STK32B: variants seen among roughly 807,000 people sequenced by gnomAD.
STK32B encodes serine/threonine kinase 32B.
A neutral mutation model predicts 52.6 loss-of-function variants in STK32B; 43 were observed. The observed-to-expected ratio is 0.82, with a 90% CI of 0.64 to 1.05. The LOEUF is 1.05. Among genes scored for constraint, STK32B ranks in the 50% least tolerant of loss-of-function variants. The pLI, the probability that STK32B is intolerant of heterozygous loss-of-function variation, is 0.00. For missense variants in STK32B, 621 were observed against 534.6 expected (o/e 1.16, Z -1.59); for synonymous variants, 238 against 204.3 (o/e 1.17, Z -1.41).
chr4:5,377,087 A>G (rs1375759395), intron 4 of STK32B, among the ~76,000 whole-genome samples: 1 of 152,094 alleles, frequency 6.6e-6, no homozygotes, highest in Non-Finnish European at 1.5e-5. Context: ...TCTGCACTTC[A>G]TCCTGAGGAC....
At chr4:5,314,034 T>C (rs899337401) in intron 3 of STK32B, among the ~76,000 whole-genome samples, 4 of 152,048 alleles carry the variant, frequency 2.6e-5, no homozygotes, top group African/African-American at 9.7e-5. Flanking sequence ...GCTATGAAAG[T>C]CCAAGAAAAG....
intron 6 of STK32B, among the ~76,000 whole-genome samples, chr4:5,442,527 C>T (rs1333173338): frequency 2.7e-5 from 4 of 149,942 alleles, no homozygotes; most frequent in African/African-American, 9.7e-5. Flanking sequence ...TTCCTGAATA[C>T]AGCACACTGA....
intron 7 of STK32B, among the ~76,000 whole-genome samples, chr4:5,448,162 C>T (rs1319453596): frequency 6.6e-6 from 1 of 152,208 alleles, no homozygotes; most frequent in African/African-American, 2.4e-5. Context: ...TGCTCTTGAT[C>T]TCAGTTATTT....
intron 3 of STK32B, among the ~76,000 whole-genome samples, chr4:5,328,478 G>T (rs1381416886): frequency 6.6e-6 from 1 of 152,116 alleles, no homozygotes; most frequent in African/African-American, 2.4e-5. Flanking sequence ...ATGCCTCAGG[G>T]AATAGAAAGG....
intron 4 of STK32B, among the ~76,000 whole-genome samples, chr4:5,388,866 A>T (rs561565422): frequency 3.3e-5 from 5 of 152,354 alleles, no homozygotes; most frequent in Admixed American, 6.5e-5. Context: ...TCTCCCTGAG[A>T]TATACTTGGG....
At chr4:5,122,409 CTCAT>C (rs1715098416) in intron 1 of STK32B, among the ~76,000 whole-genome samples, 1 of 152,002 alleles carries the variant, frequency 6.6e-6, no homozygotes, top group African/African-American at 2.4e-5. Context: ...CACTCACTCA[CTCAT>C]TCATTCACTC....
chr4:5,243,328 C>T (rs149476026), intron 3 of STK32B, among the ~76,000 whole-genome samples: 1 of 152,002 alleles, frequency 6.6e-6, no homozygotes, highest in African/African-American at 2.4e-5. Context: ...GTATTTTATT[C>T]TCTTTGAAGC....
rs562441840 is a variant in STK32B, at chr4:5,373,758, T to C, written c.435-24449T>C. Among the ~76,000 whole-genome samples, 258 of 152,348 alleles carry C rather than the reference T, an allele frequency of 1.7e-3. 1 individual carries two copies. The highest frequency in any genetic ancestry group is 5.1e-3 in the African/African-American group (212 of 41,578). ...CCAGATCTTGACTGATGCAGTCTTC[T>C]CTGCCATTCTCACTCCACACAGCAA... On this transcript the variant is annotated intron_variant, in intron 4 of 11. Coordinates refer to ENST00000282908, the MANE Select transcript of STK32B (RefSeq NM_018401.3).
At chr4:5,153,132 T>G (rs1717509785) in intron 2 of STK32B, among the ~76,000 whole-genome samples, 1 of 152,212 alleles carries the variant, frequency 6.6e-6, no homozygotes, top group African/African-American at 2.4e-5. Context: ...GAAACTGGCT[T>G]CTATCACAGG....
intron 5 of STK32B, among the ~76,000 whole-genome samples, chr4:5,406,300 T>A (rs1159481558): frequency 6.6e-6 from 1 of 152,202 alleles, no homozygotes; most frequent in Admixed American, 6.5e-5. Context: ...CTCGGCTGCC[T>A]TCACAGGTTG....
At chr4:5,050,799 C>T (rs1002188130), upstream of STK32B, among the ~76,000 whole-genome samples, 2 of 152,142 alleles carry the variant, frequency 1.3e-5, no homozygotes, top group Admixed American at 6.5e-5. Flanking sequence ...GCGTATCTCC[C>T]GATCCAGGCT....
intron 3 of STK32B, among the ~76,000 whole-genome samples, chr4:5,282,358 C>A (rs1007330468): frequency 6.6e-6 from 1 of 152,158 alleles, no homozygotes; most frequent in South Asian, 2.1e-4. Context: ...CCTTCCATAT[C>A]TATGGGTTCT....
At chr4:5,300,471 A>T (rs923754172) in intron 3 of STK32B, among the ~76,000 whole-genome samples, 2 of 152,200 alleles carry the variant, frequency 1.3e-5, no homozygotes, top group Admixed American at 1.3e-4. Flanking sequence ...GCATCCAAAT[A>T]GAAAAAGAGG....
At chr4:5,145,400 C>T (rs1716832217) in intron 2 of STK32B, among the ~76,000 whole-genome samples, 1 of 152,174 alleles carries the variant, frequency 6.6e-6, no homozygotes, top group Non-Finnish European at 1.5e-5. Context: ...ACATCTTAAA[C>T]TTACATTTAT....
Position 5,135,924 on chromosome 4 carries a change from G to A in STK32B, c.53-3981G>A, listed in dbSNP as rs190558708. 3.9e-5 allele frequency among the ~76,000 whole-genome samples: 6 copies of A among 152,276 alleles called. 1 individual carries two copies. In the East Asian group the frequency reaches 5.8e-4, roughly 15 times the overall value. ...GGAAAAGTGGGGAACACAATTGTCC[G>A]GATTAATTAGATCGGTAGTTCCCAA... On this transcript the variant is annotated intron_variant, in intron 1 of 11. Transcript: ENST00000282908.
chr4:5,027,139 C>A, the STK32B span, among the ~76,000 whole-genome samples: 1 of 152,196 alleles, frequency 6.6e-6, no homozygotes, highest in Non-Finnish European at 1.5e-5. Context: ...TTAAAAGTAA[C>A]ACATCTTCCC....
chr4:5,190,534 A>G (rs1335207982), intron 3 of STK32B, among the ~76,000 whole-genome samples: 1 of 152,188 alleles, frequency 6.6e-6, no homozygotes, highest in South Asian at 2.1e-4. Context: ...TTAAGCACCT[A>G]CTATGTACTG....
intron 3 of STK32B, among the ~76,000 whole-genome samples, chr4:5,245,073 A>G (rs1387868338): frequency 6.6e-6 from 1 of 152,148 alleles, no homozygotes; most frequent in Admixed American, 6.5e-5. Context: ...AGAGTTCTGT[A>G]GATGTCTATT....
At chr4:5,471,887 T>A (rs982607213) in intron 11 of STK32B, among the ~76,000 whole-genome samples, 1 of 152,186 alleles carries the variant, frequency 6.6e-6, no homozygotes, top group Non-Finnish European at 1.5e-5. Flanking sequence ...GTCTTGAACA[T>A]AGATTCCTGC....
Sources: allele counts gnomAD v4.1 joint callset (sites outside exome capture counted in the v4.1 genomes callset), GRCh38; gene constraint gnomAD v4.1.1; transcripts MANE v1.5; gene names NCBI Gene and HGNC (gene_info 2026-07-23, HGNC 2026-07-21).